The following USP32 variants were observed in gnomAD, a reference collection of about 807,000 sequenced individuals.
USP32 encodes ubiquitin carboxyl-terminal hydrolase 32.
A neutral mutation model predicts 204.8 loss-of-function variants in USP32; 59 were observed. The observed-to-expected ratio is 0.29, with a 90% CI of 0.23 to 0.36. The LOEUF (loss-of-function observed/expected upper bound fraction) is 0.36, where lower values mean the gene tolerates loss of function less well. USP32 is among the 10% of genes least tolerant of loss of function. USP32 has a pLI of 1.00. For missense variants in USP32, 1,160 were observed against 1,946.4 expected, an observed-to-expected ratio of 0.60 and a Z score of 7.60; for synonymous variants, 517 against 678.4, an observed-to-expected ratio of 0.76 and a Z score of 3.70.
chr17:60,274,231 T>C (rs1002638259), intron 5 of USP32, among the ~76,000 whole-genome samples: 4 of 152,138 alleles, frequency 2.6e-5, no homozygotes, highest in Admixed American at 6.6e-5. Flanking sequence ...TTAGTGAGCT[T>C]GAAGGACAGG....
intron 1 of USP32, among the ~76,000 whole-genome samples, chr17:60,364,632 TC>T: frequency 6.6e-6 from 1 of 152,186 alleles, no homozygotes; most frequent in Non-Finnish European, 1.5e-5. Context: ...CTGCCTTGCC[TC>T]CCAAAGTGCC....
intron 15 of USP32, among the ~76,000 whole-genome samples, chr17:60,220,360 A>AT (rs1018986445): frequency 3.3e-5 from 5 of 152,182 alleles, no homozygotes; most frequent in African/African-American, 1.2e-4. Context: ...TTAAATTTTT[A>AT]TTTTTTGTAC....
upstream of USP32, among the ~76,000 whole-genome samples, chr17:60,393,196 A>G (rs2089869319): frequency 3.3e-5 from 5 of 152,120 alleles, no homozygotes; most frequent in South Asian, 1.0e-3. Context: ...ATTTCCTCTG[A>G]GTGGAACTCT....
Position 60,198,297 on chromosome 17 carries a change from GT to G in USP32, c.3396del (p.Leu1133SerfsTer84). On this transcript the variant is annotated frameshift_variant, in exon 27 of 34. Coordinates refer to ENST00000300896, the MANE Select transcript of USP32 (RefSeq NM_032582.4). LOFTEE classifies it high-confidence loss of function. ...VWIQVSRLAS[P>X]LPPQEASNHA... Reference sequence around the variant, plus strand: ...TGATTACTAGCTTCCTGAGGTGGGAGTGGGCTCGCTAACCGGGATACTTGAA... The same window carrying G: ...TGATTACTAGCTTCCTGAGGTGGGAGGGGCTCGCTAACCGGGATACTTGAA... 6.2e-7 allele frequency: 1 copy of G among 1,614,192 alleles called. No homozygotes were observed. The highest frequency in any genetic ancestry group is 8.5e-7 in the Non-Finnish European group (1 of 1,180,010).
At position 60,222,266 on chromosome 17, in the gene USP32, T is replaced by A. The variant is rs541956855; in HGVS notation, c.1749+143A>T. 4 of 901,762 alleles carry A rather than the reference T, an allele frequency of 4.4e-6. No individual in the cohort carries two copies. In the African/African-American group the frequency reaches 5.0e-5, roughly 11 times the overall value. The allele number at this position is 901,762 out of a possible 1,614,324, so 55.9% of individuals were successfully genotyped here. A position where few individuals can be genotyped will look rare whatever the true frequency, so the allele number is the denominator to read the frequency against. On this transcript the variant is annotated intron_variant, in intron 15 of 33. Coordinates refer to ENST00000300896, the MANE Select transcript of USP32 (RefSeq NM_032582.4). ...TGAACGAATGTGAAGGAACTTAACA[T>A]TGAACAATCCACACAGGTTCAGAAC... is the stretch of plus-strand genomic sequence containing the variant.
chr17:60,192,116 C>A (rs2084398637), intron 28 of USP32, among the ~76,000 whole-genome samples: 1 of 151,836 alleles, frequency 6.6e-6, no homozygotes, highest in Non-Finnish European at 1.5e-5. Flanking sequence ...CATGGCAAAA[C>A]CCCATTTCTA....
At chr17:60,342,873 C>A (rs958765470) in intron 2 of USP32, among the ~76,000 whole-genome samples, 6 of 152,190 alleles carry the variant, frequency 3.9e-5, no homozygotes, top group Non-Finnish European at 8.8e-5. Context: ...TAACCCCTTG[C>A]GCTTCCTGGG....
At chr17:60,193,596 C>T (rs1427927656) in intron 27 of USP32, among the ~76,000 whole-genome samples, 3 of 151,622 alleles carry the variant, frequency 2.0e-5, no homozygotes, top group Non-Finnish European at 1.5e-5. Context: ...TTCCTTGAAC[C>T]TGGGAGGCAG....
intron 1 of USP32, among the ~76,000 whole-genome samples, chr17:60,413,740 C>T (rs2143094995): frequency 6.6e-6 from 1 of 151,962 alleles, no homozygotes; most frequent in South Asian, 2.1e-4. Context: ...CAGCGTGTGC[C>T]TGTAATCCCA....
At chr17:60,315,145 C>A (rs554681334) in intron 2 of USP32, among the ~76,000 whole-genome samples, 88 of 152,296 alleles carry the variant, frequency 5.8e-4, no homozygotes, top group South Asian at 2.1e-3. Context: ...CGCCTGTAAT[C>A]CTAGCACTTT....
intron 16 of USP32, among the ~76,000 whole-genome samples, chr17:60,217,786 G>T (rs2085143291): frequency 6.6e-6 from 1 of 151,884 alleles, no homozygotes; most frequent in African/African-American, 2.4e-5. Context: ...TACCCAGGCT[G>T]GAGTATGGTG....
chr17:60,184,188 G>A (rs1235227037), intron 30 of USP32, among the ~76,000 whole-genome samples: 10 of 151,672 alleles, frequency 6.6e-5, no homozygotes, highest in African/African-American at 2.2e-4. Context: ...GGTGGTGGGC[G>A]CCTGTAGTCC....
chr17:60,388,297 C>CACACACACAG (rs1042949063), intron 1 of USP32, among the ~76,000 whole-genome samples: 2 of 151,460 alleles, frequency 1.3e-5, no homozygotes, highest in Admixed American at 6.6e-5. Context: ...CTTACACACA[C>CACACACACAG]ACACACACAC....
chr17:60,306,712 G>C (rs1397773517), intron 2 of USP32, among the ~76,000 whole-genome samples: 2 of 151,630 alleles, frequency 1.3e-5, no homozygotes, highest in Non-Finnish European at 2.9e-5. Flanking sequence ...AGAAATAAAG[G>C]GTCTCCAAAT....
chr17:60,200,149 G>T (rs1365619137), intron 26 of USP32, among the ~76,000 whole-genome samples: 1 of 151,544 alleles, frequency 6.6e-6, no homozygotes, highest in African/African-American at 2.4e-5. Context: ...AGCCGAGATC[G>T]TGCCATTGCA....
intron 11 of USP32, among the ~76,000 whole-genome samples, chr17:60,240,668 T>A (rs934384693): frequency 6.6e-6 from 1 of 152,196 alleles, no homozygotes; most frequent in African/African-American, 2.4e-5. Flanking sequence ...ACGGGTCTTA[T>A]AAGGTCTTTT....
rs574988696 is a variant in USP32, at chr17:60,214,632, T to A, written c.2010A>T (p.Leu670=). ...RIKEEDMRLW[L]YNSENYLTLL... Reference sequence around the variant, plus strand: ...AGATGCCTCTTACCTCACTGTTGTATAGCCACAGGCGCATATCTTCCTCTT... The same window carrying A: ...AGATGCCTCTTACCTCACTGTTGTAAAGCCACAGGCGCATATCTTCCTCTT... The change falls in exon 17 of 34, where the codon CTA becomes CTT. Residue 670 remains leucine (L), a synonymous_variant. Transcript: ENST00000300896. The A allele has an allele frequency of 6.2e-7, 1 of 1,613,392 alleles. No homozygotes were observed. Among genetic ancestry groups the A allele is most frequent in the Non-Finnish European group, 8.5e-7 (1 of 1,179,424 alleles).
chr17:60,188,030 G>A (rs952420260), intron 29 of USP32, among the ~76,000 whole-genome samples: 4 of 151,962 alleles, frequency 2.6e-5, no homozygotes, highest in African/African-American at 9.7e-5. Flanking sequence ...ACCCAGGCTG[G>A]AGTGCACTGG....
intron 2 of USP32, among the ~76,000 whole-genome samples, chr17:60,341,721 G>C (rs1226844444): frequency 6.6e-6 from 1 of 152,106 alleles, no homozygotes; most frequent in East Asian, 1.9e-4. Context: ...CATGCATCAC[G>C]AAGTTCTCGC....
Sources: gnomAD v4.1 joint callset for allele counts (sites outside exome capture counted in the v4.1 genomes callset) on GRCh38, gnomAD v4.1.1 for gene constraint, MANE v1.5 for transcripts, NCBI Gene and HGNC (gene_info 2026-07-23, HGNC 2026-07-21) for gene names.